The following ADGRB1 variants were observed in gnomAD, a reference collection of about 807,000 sequenced individuals.
The protein encoded by ADGRB1 is adhesion G protein-coupled receptor B1.
Under a neutral mutation model 175.7 loss-of-function variants are expected in ADGRB1, and 36 were observed. The ratio of observed to expected loss-of-function variants is 0.20; its 90% CI spans 0.16 to 0.27. ADGRB1 has a LOEUF of 0.27. ADGRB1 is among the 10% of genes least tolerant of loss of function. The probability of loss-of-function intolerance (pLI) is 1.00; values close to 1 mark genes in which losing one functional copy is unlikely to be tolerated. For synonymous variants in ADGRB1, 1,054 were observed against 979.4 expected (o/e 1.08, Z -1.42); for missense variants, 1,731 against 2,255.3 (o/e 0.77, Z 4.71).
chr8:142,501,447 G>C (rs1327621646), intron 17 of ADGRB1, among the ~76,000 whole-genome samples: 12 of 138,696 alleles, frequency 8.7e-5, no homozygotes, highest in African/African-American at 3.1e-4. Flanking sequence ...TGTTTGTGTG[G>C]TTTTGACGAT....
At chr8:142,533,537 C>T (rs1844749386) in intron 25 of ADGRB1, 71 bp downstream of exon 25, 1 of 1,477,796 alleles carries the variant, frequency 6.8e-7, no homozygotes, top group Non-Finnish European at 9.1e-7. Context: ...CTCCTCCTTC[C>T]CCGAGGACCT....
chr8:142,524,138 C>T (rs1163321314), intron 22 of ADGRB1, 100 bp from the exon 23 acceptor site: 51 of 1,333,824 alleles, frequency 3.8e-5, no homozygotes, highest in Non-Finnish European at 5.1e-5. Flanking sequence ...CAGTTTTCTT[C>T]TGCCACTTCC....
intron 4 of ADGRB1, 134 bp from the exon 5 acceptor site, chr8:142,476,980 C>G: frequency 7.8e-7 from 1 of 1,279,860 alleles, no homozygotes; most frequent in Non-Finnish European, 1.0e-6. Context: ...CAGCCTGGTT[C>G]GAAGGCCCGG....
At chr8:142,461,902 G>A (rs185121908) in intron 1 of ADGRB1, among the ~76,000 whole-genome samples, 28 of 152,288 alleles carry the variant, frequency 1.8e-4, no homozygotes, top group Admixed American at 4.6e-4. Context: ...AGGCTCTGCC[G>A]ACACTCAGCC....
chr8:142,539,663 T>G, intron 27 of ADGRB1: 5 of 566,636 alleles, frequency 8.8e-6, no homozygotes, highest in Non-Finnish European at 3.2e-6. Flanking sequence ...TCCAGAACAC[T>G]GCCCTGGCAC....
Position 142,488,394 on chromosome 8 carries a change from G to A in ADGRB1, c.2339G>A (p.Gly780Glu). Reference protein sequence around the residue: ...VLSIHKLPASGATDISFPMKG... With the variant: ...VLSIHKLPASEATDISFPMKG... ...AGCATCCATAAGCTCCCAGCCAGCG[G>A]AGCCACTGACATCAGCTTCCCCATG... Residue 780 changes from glycine to glutamate, a missense_variant, in exon 14 of 31, where the codon GGA (glycine) becomes GAA (glutamate). This residue lies in a region of ADGRB1 where 388 missense variants were observed against 630.9 expected (regional missense o/e 0.61). Coordinates refer to ENST00000517894, the MANE Select transcript of ADGRB1 (RefSeq NM_001702.3). The A allele has an allele frequency of 1.2e-6, 2 of 1,613,278 alleles. No homozygotes were observed. Among genetic ancestry groups the A allele is most frequent in the Non-Finnish European group, 1.7e-6 (2 of 1,179,840 alleles).
chr8:142,494,553 C>T (rs1842125447), intron 17 of ADGRB1, among the ~76,000 whole-genome samples: 1 of 152,066 alleles, frequency 6.6e-6, no homozygotes, highest in Admixed American at 6.6e-5. Context: ...TTACAGGCTT[C>T]CACTGCAATG....
intron 2 of ADGRB1, among the ~76,000 whole-genome samples, chr8:142,472,427 C>T (rs933699083): frequency 2.6e-5 from 4 of 152,148 alleles, no homozygotes; most frequent in African/African-American, 9.7e-5. Flanking sequence ...CCTGGAGGGG[C>T]GGCCCACCCC....
chr8:142,505,735 G>A (rs756452614), intron 17 of ADGRB1, among the ~76,000 whole-genome samples: 2 of 152,170 alleles, frequency 1.3e-5, no homozygotes, highest in African/African-American at 2.4e-5. Context: ...AGGGCCATGC[G>A]GCCTGACATA....
At chr8:142,457,274 C>A (rs142204633) in intron 1 of ADGRB1, among the ~76,000 whole-genome samples, 1,601 of 152,298 alleles carry the variant, frequency 0.011, 45 homozygotes, top group South Asian at 0.1. Flanking sequence ...GAACTGCAGG[C>A]TGTGATCACC....
chr8:142,456,482 C>T lies in ADGRB1; in HGVS notation c.-220+6378C>T, dbSNP rs73372295. Among the ~76,000 whole-genome samples, 366 of 152,296 alleles carry T rather than the reference C, an allele frequency of 2.4e-3. 3 individuals carry two copies. Among genetic ancestry groups the T allele is most frequent in the African/African-American group, 8.3e-3 (343 of 41,562 alleles). ...CATGCCACGTGCACACTCACGTGTG[C>T]GACTCAGCTGGAACACGCACATTCT... On this transcript the variant is annotated intron_variant, in intron 1 of 30. Transcript: ENST00000517894.
At chr8:142,469,173 AT>A (rs1840450826) in intron 2 of ADGRB1, among the ~76,000 whole-genome samples, 5 of 138,690 alleles carry the variant, frequency 3.6e-5, no homozygotes, top group South Asian at 2.3e-4. Context: ...GTGTGTGTGC[AT>A]GTGTGTGAAT....
At position 142,479,530 on chromosome 8, in the gene ADGRB1, T is replaced by C. The variant is rs1279562443; in HGVS notation, c.1726+43T>C. 3.3e-6 allele frequency: 5 copies of C among 1,516,964 alleles called. No homozygotes were observed. The Admixed American group carries it at 9.4e-5, about 29-fold the overall frequency. 94.0% of individuals were successfully genotyped at this position (1,516,964 alleles called of 1,614,324 possible). A position where few individuals can be genotyped will look rare whatever the true frequency, so the allele number is the denominator to read the frequency against. On this transcript the variant is annotated intron_variant, in intron 8 of 30. Transcript: ENST00000517894. ...TGGGCTGGGCTCTGGGGAGGGCTGA[T>C]GGCGATTGGGCGGGCTTGGGCTCAG...
rs558569649 is a variant in ADGRB1 at position 142,491,753 on chromosome 8, C to T, written c.2675+938C>T. 2.1e-3 allele frequency among the ~76,000 whole-genome samples: 327 copies of T among 152,300 alleles called. 1 individual carries two copies. The highest frequency in any genetic ancestry group is 7.2e-3 in the African/African-American group (300 of 41,568). ...CTCAGGCCTCCCTGCACCCCTTTCC[C>T]GGGCCGAGTGTGTGCGGTCAGCATG... On this transcript the variant is annotated intron_variant, in intron 17 of 30. Coordinates refer to ENST00000517894, the MANE Select transcript of ADGRB1 (RefSeq NM_001702.3).
intron 17 of ADGRB1, among the ~76,000 whole-genome samples, chr8:142,498,292 A>G (rs1275490683): frequency 2.6e-5 from 4 of 152,214 alleles, no homozygotes; most frequent in Non-Finnish European, 5.9e-5. Flanking sequence ...CCATGGCTCC[A>G]GGCACACAGC....
At chr8:142,456,478 T>G (rs1368378518) in intron 1 of ADGRB1, among the ~76,000 whole-genome samples, 3 of 152,168 alleles carry the variant, frequency 2.0e-5, no homozygotes, top group East Asian at 3.9e-4. Flanking sequence ...CACACTCACG[T>G]GTGCGACTCA....
intron 25 of ADGRB1, among the ~76,000 whole-genome samples, chr8:142,534,124 C>T (rs1272640720): frequency 6.6e-6 from 1 of 152,214 alleles, no homozygotes; most frequent in East Asian, 1.9e-4. Context: ...AAGCCGACAG[C>T]AGGGGAGCCG....
In ADGRB1 at chr8:142,475,501, G is replaced by C. The variant is rs1412548270; in HGVS notation, c.812G>C (p.Gly271Ala). ...TGGWKLWSLWGECTRDCGGGL... is the reference protein window; with the variant it reads ...TGGWKLWSLWAECTRDCGGGL... ...GGCTGGAAGCTGTGGTCCCTGTGGGGCGAATGCACGCGGGACTGCGGGGGA... is the reference window on the plus strand; with the variant it reads ...GGCTGGAAGCTGTGGTCCCTGTGGGCCGAATGCACGCGGGACTGCGGGGGA... Residue 271 changes from glycine (G) to alanine (A), a missense_variant, in exon 3 of 31, where the codon GGC (glycine) becomes GCC (alanine). Coordinates refer to ENST00000517894, the MANE Select transcript of ADGRB1 (RefSeq NM_001702.3). 7.7e-7 allele frequency: 1 copy of C among 1,295,168 alleles called. No homozygotes were observed. The highest frequency in any genetic ancestry group is 3.1e-5 in the Admixed American group (1 of 32,316). 80.2% of individuals were successfully genotyped at this position (1,295,168 alleles called of 1,614,324 possible).
intron 2 of ADGRB1, among the ~76,000 whole-genome samples, chr8:142,469,047 G>T (rs1840435073): frequency 6.6e-6 from 1 of 152,254 alleles, no homozygotes; most frequent in Non-Finnish European, 1.5e-5. Flanking sequence ...GCTTGTAAGT[G>T]GCAGGCTGAT....
Sources: gnomAD v4.1 joint callset for allele counts (sites outside exome capture counted in the v4.1 genomes callset) on GRCh38, gnomAD v4.1.1 for gene constraint, gnomAD v4.1.1 regional missense constraint, MANE v1.5 for transcripts, NCBI Gene and HGNC (gene_info 2026-07-23, HGNC 2026-07-21) for gene names.